Variants in TMEM242 observed in about 807,000 individuals in gnomAD.
TMEM242 encodes UPF0463 transmembrane protein C6orf35.
In TMEM242, 10 loss-of-function variants were observed where a neutral mutation model predicts 18.2. The observed-to-expected ratio is 0.55, with a 90% CI of 0.34 to 0.93. The LOEUF is 0.93. Ranked by LOEUF, TMEM242 falls within the 40% of genes least tolerant of loss-of-function variation. TMEM242 has a pLI of 0.02. For missense variants in TMEM242, 186 were observed against 175.5 expected (o/e 1.06, Z -0.34); for synonymous variants, 57 against 69.9 (o/e 0.81, Z 0.92).
intron 3 of TMEM242, chr6:157,318,576 T>C: frequency 1.8e-6 from 1 of 554,042 alleles, no homozygotes; most frequent in Non-Finnish European, 3.1e-6. Context: ...CTTAATTATA[T>C]TTGAAGTTTT....
At chr6:157,320,998 C>CTTT (rs201521248) in intron 2 of TMEM242, among the ~76,000 whole-genome samples, 34 of 135,554 alleles carry the variant, frequency 2.5e-4, no homozygotes, top group Admixed American at 3.0e-4. Flanking sequence ...TTTCCCATTT[C>CTTT]TTTTTTTTTT....
chr6:157,312,356 T>TAAC (rs74209830), intron 3 of TMEM242, among the ~76,000 whole-genome samples: 1 of 28,972 alleles, frequency 3.5e-5, no homozygotes, highest in East Asian at 9.3e-4. Flanking sequence ...AGCCTCATCA[T>TAAC]GTCCCAGTGT....
chr6:157,304,484 AAAAAAAAGAG>A lies in TMEM242; in HGVS notation c.328-11495_328-11486del, dbSNP rs1262972294. On this transcript the variant is annotated intron_variant, in intron 3 of 3. Transcript: ENST00000400788. Reference sequence around the variant, plus strand: ...TGTCAAAAAAAAAAAAAAAAAAAAAAAAAAAAAGAGAGAGAGAGAGAGTGCCACTGAAATG... The same window carrying A: ...TGTCAAAAAAAAAAAAAAAAAAAAAAAGAGAGAGAGAGTGCCACTGAAATG... 5.9e-4 allele frequency among the ~76,000 whole-genome samples: 71 copies of A among 120,110 alleles called. No homozygotes were observed. The South Asian group carries it at 7.1e-3, about 12-fold the overall frequency. The allele number at this position is 120,110 out of a possible 152,430, so 78.8% of individuals were successfully genotyped here.
At chr6:157,315,886 G>A (rs1289507289) in intron 3 of TMEM242, among the ~76,000 whole-genome samples, 2 of 152,100 alleles carry the variant, frequency 1.3e-5, no homozygotes, top group African/African-American at 4.8e-5. Flanking sequence ...AAATAGAAAT[G>A]TATGTTTGTA....
chr6:157,314,811 GA>G (rs1778359056), intron 3 of TMEM242, among the ~76,000 whole-genome samples: 1 of 152,182 alleles, frequency 6.6e-6, no homozygotes, highest in Non-Finnish European at 1.5e-5. Flanking sequence ...ATACTTTAAA[GA>G]AACCGAAGTT....
chr6:157,298,339 A>G (rs587757800), intron 3 of TMEM242, among the ~76,000 whole-genome samples: 2 of 152,332 alleles, frequency 1.3e-5, no homozygotes, highest in South Asian at 4.1e-4. Context: ...GGCCAAACAA[A>G]CAACAGTAAC....
At chr6:157,298,317 GT>G (rs1554247287) in intron 3 of TMEM242, among the ~76,000 whole-genome samples, 1 of 152,220 alleles carries the variant, frequency 6.6e-6, no homozygotes, top group African/African-American at 2.4e-5. Context: ...ATTTAGGGAA[GT>G]TTCCTTTCCC....
At chr6:157,313,289 T>C (rs75652645) in intron 3 of TMEM242, among the ~76,000 whole-genome samples, 281 of 2,436 alleles carry the variant, frequency 0.12, no homozygotes, top group Middle Eastern at 0.2. Context: ...TGTGCGCTCA[T>C]CCGGCATCAT....
At chr6:157,311,363 C>CGGAA (rs1554248748) in intron 3 of TMEM242, among the ~76,000 whole-genome samples, 2 of 114,770 alleles carry the variant, frequency 1.7e-5, no homozygotes, top group African/African-American at 6.5e-5. Context: ...CTCACCTAGC[C>CGGAA]TCATCATAGT....
At position 157,289,999 on chromosome 6, in the gene TMEM242, C is replaced by T. The variant is rs1554246761; in HGVS notation, c.*2902G>A. 6.6e-6 allele frequency: 1 copy of T among 152,326 alleles called. No individual in the cohort carries two copies. Among genetic ancestry groups the T allele is most frequent in the East Asian group, 1.9e-4 (1 of 5,202 alleles). The allele number at this position is 152,326 out of a possible 1,614,324, so 9.4% of individuals were successfully genotyped here. ...GGAGGCAGCTCCCGTCCCCCACTTT[C>T]CACTCTCAGGTTGTCCTGAACCCAC... is the stretch of plus-strand genomic sequence containing the variant. On this transcript the variant is annotated 3_prime_UTR_variant, in exon 4 of 4. Transcript: ENST00000400788.
chr6:157,322,856 AAG>A, intron 1 of TMEM242, 51 bp from the exon 2 acceptor site: 1 of 1,470,840 alleles, frequency 6.8e-7, no homozygotes, highest in Non-Finnish European at 9.4e-7. Flanking sequence ...ATTAAATAAA[AAG>A]AGGTTAAAAA....
At chr6:157,298,371 G>A (rs1458539121) in intron 3 of TMEM242, among the ~76,000 whole-genome samples, 1 of 152,192 alleles carries the variant, frequency 6.6e-6, no homozygotes, top group Admixed American at 6.5e-5. Context: ...TGACTGTCAA[G>A]CCTCTTTCTA....
intron 2 of TMEM242, 40 bp from the exon 3 acceptor site, chr6:157,318,959 G>A (rs2128417883): frequency 6.4e-7 from 1 of 1,553,578 alleles, no homozygotes; most frequent in South Asian, 1.2e-5. Context: ...AACAATCAGT[G>A]CAGAAAGAAT....
intron 2 of TMEM242, among the ~76,000 whole-genome samples, chr6:157,321,688 A>G (rs1778497881): frequency 6.6e-6 from 1 of 152,218 alleles, no homozygotes; most frequent in Non-Finnish European, 1.5e-5. Flanking sequence ...ACAAAATAGG[A>G]TGGAAAGTTG....
intron 3 of TMEM242, among the ~76,000 whole-genome samples, chr6:157,293,513 T>A (rs139516397): frequency 0.032 from 4,929 of 152,288 alleles, 131 homozygotes; most frequent in Admixed American, 0.047. Flanking sequence ...TGGGATTTCT[T>A]TCTGAATAAA....
At chr6:157,313,056 C>T (rs1554249590) in intron 3 of TMEM242, among the ~76,000 whole-genome samples, 13 of 151,764 alleles carry the variant, frequency 8.6e-5, no homozygotes, top group East Asian at 3.9e-4. Context: ...ACTCACCTGG[C>T]CTCATCATAG....
chr6:157,303,374 G>A (rs1195502731), intron 3 of TMEM242, among the ~76,000 whole-genome samples: 2 of 152,170 alleles, frequency 1.3e-5, no homozygotes, highest in African/African-American at 4.8e-5. Flanking sequence ...ACCCACTGGG[G>A]CATCTTTAGA....
At position 157,322,055 on chromosome 6, in the gene TMEM242, T is replaced by G. The variant is rs1361193511; in HGVS notation, c.189+650A>C. Among the ~76,000 whole-genome samples the G allele has an allele frequency of 2.6e-5, 4 of 152,252 alleles. No individual in the cohort carries two copies. In the South Asian group the frequency reaches 8.3e-4, roughly 32 times the overall value. ...AATGTAAGTGGAAAGGAAACTTGACTTTTTATGATGTTTTACGTAACACTT... is the reference window on the plus strand; with the variant it reads ...AATGTAAGTGGAAAGGAAACTTGACGTTTTATGATGTTTTACGTAACACTT... On this transcript the variant is annotated intron_variant, in intron 2 of 3. Coordinates refer to ENST00000400788, the MANE Select transcript of TMEM242 (RefSeq NM_018452.6).
chr6:157,312,917 CGG>C (rs1778228358), intron 3 of TMEM242, among the ~76,000 whole-genome samples: 2 of 2,200 alleles, frequency 9.1e-4, no homozygotes, highest in African/African-American at 2.0e-3. Flanking sequence ...TGCGCTCACC[CGG>C]CATCATCATA....
Sources: gnomAD v4.1 joint callset for allele counts (sites outside exome capture counted in the v4.1 genomes callset) on GRCh38, gnomAD v4.1.1 for gene constraint, MANE v1.5 for transcripts, NCBI Gene and HGNC (gene_info 2026-07-23, HGNC 2026-07-21) for gene names.